FEZ2: variants seen among roughly 807,000 people sequenced by gnomAD.
FEZ2 encodes the protein fasciculation and elongation protein zeta 2, also known as fasciculation and elongation protein zeta-2.
A neutral mutation model predicts 40.4 loss-of-function variants in FEZ2; 51 were observed. The observed-to-expected ratio is 1.26, with a 90% CI of 1.01 to 1.59. The LOEUF is 1.59. FEZ2 is among the 40% of genes most tolerant of loss of function. FEZ2 has a pLI of 0.00. For missense variants in FEZ2, 640 were observed against 438.3 expected (o/e 1.46, Z -4.11); for synonymous variants, 242 against 172.0 (o/e 1.41, Z -3.18).
At chr2:36,566,979 CTAAA>C (rs1471374396) in intron 5 of FEZ2, among the ~76,000 whole-genome samples, 1 of 152,092 alleles carries the variant, frequency 6.6e-6, no homozygotes, top group Non-Finnish European at 1.5e-5. Flanking sequence ...CTCTATAGGA[CTAAA>C]TAAATGAGTG....
At chr2:36,558,724 C>G in intron 5 of FEZ2, 1 of 348,058 alleles carries the variant, frequency 2.9e-6, no homozygotes, top group Admixed American at 4.6e-5. Flanking sequence ...TCATACAAAC[C>G]TAATGTCAAC....
intron 5 of FEZ2, among the ~76,000 whole-genome samples, chr2:36,570,686 C>G (rs1443348148): frequency 6.6e-6 from 1 of 152,182 alleles, no homozygotes; most frequent in African/African-American, 2.4e-5. Context: ...ATGGTATAGT[C>G]TACTGCTCCT....
At chr2:36,566,956 A>ACACTCTCT (rs546695037) in intron 5 of FEZ2, among the ~76,000 whole-genome samples, 1 of 150,348 alleles carries the variant, frequency 6.7e-6, no homozygotes, top group African/African-American at 2.4e-5. Context: ...ACACACACAC[A>ACACTCTCT]CTCTCTCTCT....
intron 5 of FEZ2, among the ~76,000 whole-genome samples, chr2:36,577,077 T>C (rs73923036): frequency 0.046 from 6,944 of 152,252 alleles, 656 homozygotes; most frequent in East Asian, 0.43. Flanking sequence ...CAAAATAGTG[T>C]CCCTAATATT....
At chr2:36,595,566 C>T (rs551566921) in intron 1 of FEZ2, among the ~76,000 whole-genome samples, 7 of 152,192 alleles carry the variant, frequency 4.6e-5, no homozygotes, top group Non-Finnish European at 8.8e-5. Context: ...CAGCCACTCA[C>T]CTCCTGTAGT....
At chr2:36,579,264 G>A (rs530989126) in intron 4 of FEZ2, among the ~76,000 whole-genome samples, 2 of 152,358 alleles carry the variant, frequency 1.3e-5, no homozygotes, top group South Asian at 4.1e-4. Flanking sequence ...GTTCAGCAGG[G>A]TTCTGGGATA....
At chr2:36,562,232 T>C (rs1312501871) in intron 5 of FEZ2, among the ~76,000 whole-genome samples, 3 of 152,218 alleles carry the variant, frequency 2.0e-5, no homozygotes, top group Non-Finnish European at 4.4e-5. Context: ...AATGAATTTA[T>C]TTTTGGTATT....
At chr2:36,594,789 C>T (rs1168010697) in intron 1 of FEZ2, among the ~76,000 whole-genome samples, 2 of 152,210 alleles carry the variant, frequency 1.3e-5, no homozygotes, top group Non-Finnish European at 2.9e-5. Flanking sequence ...TGCTGATTTG[C>T]TCCTTCTTAA....
At chr2:36,596,760 G>A (rs1217557299) in intron 1 of FEZ2, among the ~76,000 whole-genome samples, 1 of 152,138 alleles carries the variant, frequency 6.6e-6, no homozygotes, top group Non-Finnish European at 1.5e-5. Context: ...GAGCCACCGC[G>A]CCCAATCTTA....
At chr2:36,586,336 A>G (rs927107712) in intron 2 of FEZ2, among the ~76,000 whole-genome samples, 45 of 152,254 alleles carry the variant, frequency 3.0e-4, no homozygotes, top group African/African-American at 1.0e-3. Flanking sequence ...AAAAGTTTTA[A>G]TTTTAAAATT....
At chr2:36,555,036 G>A (rs773674165) in intron 7 of FEZ2, among the ~76,000 whole-genome samples, 8 of 151,972 alleles carry the variant, frequency 5.3e-5, no homozygotes, top group East Asian at 1.9e-4. Context: ...AAGTTCTTCC[G>A]TCCCTTCTTT....
rs1190744257 is a variant in FEZ2, at chr2:36,597,910, G to A, written c.233C>T (p.Pro78Leu). Residue 78 changes from proline (P) to leucine (L), a missense_variant, in exon 1 of 8, where the codon CCC becomes CTC. Physicochemically the swap from Pro to Leu is moderately conservative, Grantham distance 98. Coordinates refer to ENST00000405912, the MANE Select transcript of FEZ2 (RefSeq NM_005102.3). ...GAEPPRTAVR[P>L]ITERSLLQGD... ...CTGCAGGAGGCTGCGCTCCGTGATG[G>A]GCCGCACGGCCGTCCTCGGGGGCTC... 1 of 1,411,604 alleles carries A rather than the reference G, an allele frequency of 7.1e-7. No individual in the cohort carries two copies. Among genetic ancestry groups the A allele is most frequent in the Non-Finnish European group, 9.2e-7 (1 of 1,090,596 alleles). 87.4% of individuals were successfully genotyped at this position (1,411,604 alleles called of 1,614,324 possible).
chr2:36,587,777 TAC>T (rs1216552216), intron 2 of FEZ2, among the ~76,000 whole-genome samples: 2 of 152,106 alleles, frequency 1.3e-5, no homozygotes, highest in East Asian at 3.9e-4. Context: ...CAATGGTAAA[TAC>T]AGTCACTTTG....
At chr2:36,579,951 T>C (rs533806628) in intron 4 of FEZ2, among the ~76,000 whole-genome samples, 34 of 152,192 alleles carry the variant, frequency 2.2e-4, no homozygotes, top group African/African-American at 7.9e-4. Context: ...TAACCCAACA[T>C]GACTGGTATT....
intron 5 of FEZ2, among the ~76,000 whole-genome samples, chr2:36,574,801 T>G (rs1668514866): frequency 6.6e-6 from 1 of 152,188 alleles, no homozygotes; most frequent in Non-Finnish European, 1.5e-5. Flanking sequence ...GACAGTGCCC[T>G]TTAACCACTC....
At chr2:36,587,243 C>CAG (rs1373840175) in intron 2 of FEZ2, among the ~76,000 whole-genome samples, 1 of 152,106 alleles carries the variant, frequency 6.6e-6, no homozygotes, top group Non-Finnish European at 1.5e-5. Flanking sequence ...ATCATCTTTC[C>CAG]AGAGAGAGAG....
At chr2:36,555,632 T>C (rs1667938939) in intron 7 of FEZ2, 51 bp downstream of exon 7, 2 of 977,226 alleles carry the variant, frequency 2.0e-6, no homozygotes, top group Non-Finnish European at 1.6e-6. Context: ...ATGTATTTAC[T>C]GACTAATCCA....
intron 4 of FEZ2, among the ~76,000 whole-genome samples, chr2:36,579,490 G>A (rs371942688): frequency 1.4e-4 from 22 of 152,142 alleles, no homozygotes; most frequent in African/African-American, 5.3e-4. Flanking sequence ...CCATCCCCCT[G>A]GTGCTGTTCT....
intron 2 of FEZ2, among the ~76,000 whole-genome samples, chr2:36,585,400 T>C (rs1412692636): frequency 6.6e-6 from 1 of 152,122 alleles, no homozygotes; most frequent in Non-Finnish European, 1.5e-5. Context: ...ATTCTCGTAA[T>C]GATAGTAAAG....
Sources: allele counts gnomAD v4.1 joint callset (sites outside exome capture counted in the v4.1 genomes callset), GRCh38; gene constraint gnomAD v4.1.1; transcripts MANE v1.5; gene names NCBI Gene and HGNC (gene_info 2026-07-23, HGNC 2026-07-21).